CCDC85A: variants seen among roughly 807,000 people sequenced by gnomAD.
CCDC85A encodes the protein coiled-coil domain-containing protein 85A.
In CCDC85A, 38 loss-of-function variants were observed where a neutral mutation model predicts 50.2. The observed-to-expected ratio is 0.76, with a 90% CI of 0.58 to 0.99. CCDC85A has a LOEUF of 0.99. Among genes scored for constraint, CCDC85A ranks in the 50% least tolerant of loss-of-function variants. The pLI, the probability that CCDC85A is intolerant of heterozygous loss-of-function variation, is 0.00. For missense variants in CCDC85A, 820 were observed against 742.0 expected (o/e 1.11, Z -1.22); for synonymous variants, 366 against 301.4 (o/e 1.21, Z -2.22).
chr2:56,194,235 C>A (rs537701311), intron 2 of CCDC85A, among the ~76,000 whole-genome samples: 1 of 152,212 alleles, frequency 6.6e-6, no homozygotes, highest in Non-Finnish European at 1.5e-5. Context: ...TAAAGCATAA[C>A]GTCCACTACA....
rs143967299 is a variant in CCDC85A, at chr2:56,213,433, T to C, written c.1240+19993T>C. Among the ~76,000 whole-genome samples, 5 of 152,140 alleles carry C rather than the reference T, an allele frequency of 3.3e-5. No homozygotes were observed. In the East Asian group the frequency reaches 9.7e-4, roughly 30 times the overall value. On this transcript the variant is annotated intron_variant, in intron 2 of 5. Coordinates refer to ENST00000407595, the MANE Select transcript of CCDC85A (RefSeq NM_001080433.2). ...CAAGGTGGTACTGCAGCTATTGTGA[T>C]CCACAATCTTGTTTTACGAAGAGTT...
At chr2:56,235,229 C>T (rs1668954060) in intron 2 of CCDC85A, 1 of 152,100 alleles carries the variant, frequency 6.6e-6, no homozygotes, top group Non-Finnish European at 1.5e-5. Flanking sequence ...TTAACAAAGG[C>T]ATAGGTGGTT....
At chr2:56,374,053 A>G (rs980884462) in intron 4 of CCDC85A, among the ~76,000 whole-genome samples, 2 of 152,224 alleles carry the variant, frequency 1.3e-5, no homozygotes, top group Admixed American at 6.5e-5. Flanking sequence ...GATCTGGTTT[A>G]TAAATACAGG....
At chr2:56,316,420 T>G (rs10179704) in intron 2 of CCDC85A, among the ~76,000 whole-genome samples, 7,457 of 152,244 alleles carry the variant, frequency 0.049, 616 homozygotes, top group African/African-American at 0.17. Flanking sequence ...AGGAACTTTG[T>G]TTCTGTTGAG....
chr2:56,328,106 C>G (rs1443078078), intron 2 of CCDC85A, among the ~76,000 whole-genome samples: 1 of 152,094 alleles, frequency 6.6e-6, no homozygotes, highest in Non-Finnish European at 1.5e-5. Context: ...AACCCACACT[C>G]TGTCACTGTG....
intron 2 of CCDC85A, among the ~76,000 whole-genome samples, chr2:56,224,475 G>A (rs1292666764): frequency 6.6e-6 from 1 of 152,188 alleles, no homozygotes; most frequent in Admixed American, 6.5e-5. Flanking sequence ...ACCTAGGAGT[G>A]GAATGTCAAC....
chr2:56,320,303 G>T (rs565718839), intron 2 of CCDC85A, among the ~76,000 whole-genome samples: 2 of 151,830 alleles, frequency 1.3e-5, no homozygotes, highest in Non-Finnish European at 2.9e-5. Flanking sequence ...CAGAACTGAA[G>T]GAGATAGAGA....
In CCDC85A at chr2:56,371,364, A is replaced by G. The variant is rs140496238; in HGVS notation, c.1318-980A>G. Reference sequence around the variant, plus strand: ...GAAGAGTGAAAATTGGACCAGTACTATTCAGATATAGGCCGCTAACTTCAA... The same window carrying G: ...GAAGAGTGAAAATTGGACCAGTACTGTTCAGATATAGGCCGCTAACTTCAA... On this transcript the variant is annotated intron_variant, in intron 3 of 5. Transcript: ENST00000407595. Among the ~76,000 whole-genome samples the G allele has an allele frequency of 2.0e-3, 309 of 152,220 alleles. 2 individuals are homozygous for G. Among genetic ancestry groups the G allele is most frequent in the African/African-American group, 7.1e-3 (297 of 41,546 alleles).
intron 2 of CCDC85A, among the ~76,000 whole-genome samples, chr2:56,293,507 A>G (rs181771455): frequency 4.4e-4 from 67 of 152,348 alleles, no homozygotes; most frequent in African/African-American, 1.4e-3. Flanking sequence ...GAGCTTCTGC[A>G]CAGCGAAAGA....
chr2:56,209,293 G>A (rs575966335), intron 2 of CCDC85A, among the ~76,000 whole-genome samples: 14 of 152,172 alleles, frequency 9.2e-5, no homozygotes, highest in African/African-American at 3.4e-4. Context: ...CTTCTTTTCT[G>A]TGCTCCTTAT....
chr2:56,265,012 A>T (rs1358713879), intron 2 of CCDC85A, among the ~76,000 whole-genome samples: 2 of 152,184 alleles, frequency 1.3e-5, no homozygotes, highest in Non-Finnish European at 2.9e-5. Flanking sequence ...CAGTAACAAC[A>T]GCCCCCACCC....
At chr2:56,299,102 A>G (rs1020807253) in intron 2 of CCDC85A, among the ~76,000 whole-genome samples, 1 of 152,130 alleles carries the variant, frequency 6.6e-6, no homozygotes, top group Non-Finnish European at 1.5e-5. Context: ...CTCATGCATT[A>G]TTTATTTCTG....
chr2:56,223,181 T>C (rs1248912094), intron 2 of CCDC85A, among the ~76,000 whole-genome samples: 1 of 152,124 alleles, frequency 6.6e-6, no homozygotes, highest in Non-Finnish European at 1.5e-5. Context: ...AGAGAAGAGT[T>C]TTCATTTGGA....
chr2:56,253,561 A>G (rs1460229865), intron 2 of CCDC85A, among the ~76,000 whole-genome samples: 1 of 152,186 alleles, frequency 6.6e-6, no homozygotes, highest in Non-Finnish European at 1.5e-5. Flanking sequence ...AATTTGAAAG[A>G]GATCACTCAG....
At chr2:56,298,838 G>A (rs367640278) in intron 2 of CCDC85A, among the ~76,000 whole-genome samples, 270 of 152,242 alleles carry the variant, frequency 1.8e-3, no homozygotes, top group African/African-American at 6.3e-3. Context: ...GAAATGCTGT[G>A]ATTTTATTAG....
At chr2:56,313,131 G>T (rs1473209782) in intron 2 of CCDC85A, among the ~76,000 whole-genome samples, 3 of 152,068 alleles carry the variant, frequency 2.0e-5, no homozygotes, top group Non-Finnish European at 4.4e-5. Context: ...ATATTGTCCT[G>T]AACATTCATG....
chr2:56,375,961 T>G, intron 5 of CCDC85A, 26 bp downstream of exon 5: 1 of 1,605,252 alleles, frequency 6.2e-7, no homozygotes, highest in South Asian at 1.1e-5. Flanking sequence ...CAACCATTTA[T>G]CCAGAGCTTC....
At chr2:56,242,637 A>T (rs565501204) in intron 2 of CCDC85A, among the ~76,000 whole-genome samples, 15 of 152,296 alleles carry the variant, frequency 9.8e-5, no homozygotes, top group African/African-American at 3.4e-4. Context: ...ACAATTCAAC[A>T]TAAAATTTGA....
At chr2:56,354,756 T>C (rs191103998) in intron 3 of CCDC85A, among the ~76,000 whole-genome samples, 9 of 152,366 alleles carry the variant, frequency 5.9e-5, no homozygotes, top group Admixed American at 5.9e-4. Flanking sequence ...AGGTGTTAGC[T>C]TAATTGTTTC....
Sources: allele counts gnomAD v4.1 joint callset (sites outside exome capture counted in the v4.1 genomes callset), GRCh38; gene constraint gnomAD v4.1.1; transcripts MANE v1.5; gene names NCBI Gene and HGNC (gene_info 2026-07-23, HGNC 2026-07-21).